Variants in ASCC3 observed in about 807,000 individuals in gnomAD.
ASCC3 encodes ASC-1 complex subunit P200.
A neutral mutation model predicts 256.3 loss-of-function variants in ASCC3; 158 were observed. The ratio of observed to expected loss-of-function variants is 0.62; its 90% CI spans 0.54 to 0.70. The LOEUF is 0.70. Among genes scored for constraint, ASCC3 ranks in the 30% least tolerant of loss-of-function variants. The pLI, the probability that ASCC3 is intolerant of heterozygous loss-of-function variation, is 0.00. For synonymous variants in ASCC3, 948 were observed against 883.4 expected, an observed-to-expected ratio of 1.07 and a Z score of -1.30; for missense variants, 2,259 against 2,626.0, an observed-to-expected ratio of 0.86 and a Z score of 3.05.
intron 13 of ASCC3, among the ~76,000 whole-genome samples, chr6:100,706,407 G>C (rs577307062): frequency 6.6e-6 from 1 of 150,638 alleles, no homozygotes; most frequent in African/African-American, 2.4e-5. Flanking sequence ...ACAAGCAGAA[G>C]ACAGAACACT....
chr6:100,685,969 A>G (rs1012404914), intron 13 of ASCC3, among the ~76,000 whole-genome samples: 1 of 152,170 alleles, frequency 6.6e-6, no homozygotes, highest in Non-Finnish European at 1.5e-5. Flanking sequence ...CCTCTATCAA[A>G]TAACTTTCCA....
At chr6:100,722,755 T>C (rs185786299) in intron 11 of ASCC3, among the ~76,000 whole-genome samples, 2 of 151,966 alleles carry the variant, frequency 1.3e-5, no homozygotes, top group African/African-American at 4.8e-5. Flanking sequence ...ATATAACATC[T>C]TTTAAGCCCA....
chr6:100,868,184 T>A, intron 1 of ASCC3, 146 bp from the exon 2 acceptor site: 1 of 604,686 alleles, frequency 1.7e-6, no homozygotes, highest in Non-Finnish European at 2.9e-6. Flanking sequence ...CCTGACATAT[T>A]TTCTATCCAT....
At chr6:100,803,760 T>C (rs993377751) in intron 5 of ASCC3, among the ~76,000 whole-genome samples, 3 of 152,220 alleles carry the variant, frequency 2.0e-5, no homozygotes, top group African/African-American at 7.2e-5. Context: ...AAACAGAAAA[T>C]CTGTCAGAAA....
chr6:100,850,281 CA>C (rs1332704485), intron 3 of ASCC3, among the ~76,000 whole-genome samples: 1 of 152,016 alleles, frequency 6.6e-6, no homozygotes, highest in African/African-American at 2.4e-5. Context: ...ATTTCTTCAC[CA>C]AAAACCACGT....
intron 36 of ASCC3, among the ~76,000 whole-genome samples, chr6:100,583,317 G>C (rs1289246900): frequency 6.6e-6 from 1 of 152,014 alleles, no homozygotes; most frequent in African/African-American, 2.4e-5. Flanking sequence ...AGTCTTGGGA[G>C]GGTGTATGTG....
chr6:100,680,590 G>T (rs561898233), intron 13 of ASCC3, among the ~76,000 whole-genome samples: 2 of 151,922 alleles, frequency 1.3e-5, no homozygotes, highest in Non-Finnish European at 2.9e-5. Context: ...AATTTTATCT[G>T]GTGTGAATAA....
At chr6:100,687,632 G>A (rs1357171498) in intron 13 of ASCC3, among the ~76,000 whole-genome samples, 1 of 151,976 alleles carries the variant, frequency 6.6e-6, no homozygotes, top group African/African-American at 2.4e-5. Flanking sequence ...TAATAAGATA[G>A]TATATTTGCT....
intron 37 of ASCC3, among the ~76,000 whole-genome samples, chr6:100,530,012 G>A (rs748540468): frequency 4.0e-5 from 6 of 151,526 alleles, no homozygotes; most frequent in Non-Finnish European, 8.8e-5. Context: ...TTTTTTGGTA[G>A]GAGGTACAGG....
chr6:100,811,072 C>T (rs1770444229), intron 4 of ASCC3, among the ~76,000 whole-genome samples: 1 of 151,996 alleles, frequency 6.6e-6, no homozygotes, highest in South Asian at 2.1e-4. Context: ...CTAAAGTCAC[C>T]TAGAAACAGT....
At chr6:100,785,421 G>A (rs1769017148) in intron 8 of ASCC3, among the ~76,000 whole-genome samples, 1 of 151,994 alleles carries the variant, frequency 6.6e-6, no homozygotes, top group Non-Finnish European at 1.5e-5. Flanking sequence ...TTAATTTAAA[G>A]ACAGGGTCTC....
At chr6:100,665,161 GGTTTCACATTCAACCAGCATCAGTGGCCA>G (rs1348523775) in intron 14 of ASCC3, among the ~76,000 whole-genome samples, 1 of 152,166 alleles carries the variant, frequency 6.6e-6, no homozygotes, top group South Asian at 2.1e-4. Context: ...TGATCACATG[GGTTTCACATTCAACCAGCATCAGTGGCCA>G]GTTTCACATT....
chr6:100,749,148 T>C (rs1024070018), intron 10 of ASCC3, among the ~76,000 whole-genome samples: 1 of 152,048 alleles, frequency 6.6e-6, no homozygotes, highest in Non-Finnish European at 1.5e-5. Context: ...TTTTTGCCTC[T>C]TCCCCGTCAA....
At chr6:100,749,704 T>G (rs1301251898) in intron 10 of ASCC3, among the ~76,000 whole-genome samples, 1 of 151,872 alleles carries the variant, frequency 6.6e-6, no homozygotes, top group Non-Finnish European at 1.5e-5. Context: ...GAACAATAGG[T>G]AGTAAATATG....
chr6:100,827,777 T>C (rs1771393508), intron 4 of ASCC3, among the ~76,000 whole-genome samples: 1 of 152,160 alleles, frequency 6.6e-6, no homozygotes, highest in Admixed American at 6.5e-5. Flanking sequence ...ATTATAAACA[T>C]ATTAATCACA....
intron 10 of ASCC3, among the ~76,000 whole-genome samples, chr6:100,747,983 A>G (rs1482716629): frequency 2.0e-5 from 3 of 152,064 alleles, no homozygotes; most frequent in Non-Finnish European, 4.4e-5. Flanking sequence ...GAAATTTAGG[A>G]ATGAATAAAT....
chr6:100,734,465 T>C (rs1439715846), intron 10 of ASCC3, among the ~76,000 whole-genome samples: 1 of 152,138 alleles, frequency 6.6e-6, no homozygotes, highest in African/African-American at 2.4e-5. Flanking sequence ...GTACCTGCCA[T>C]GGTACTTACA....
intron 4 of ASCC3, among the ~76,000 whole-genome samples, chr6:100,833,932 G>A (rs1227340321): frequency 6.6e-6 from 1 of 152,054 alleles, no homozygotes; most frequent in Non-Finnish European, 1.5e-5. Flanking sequence ...ACAAAAATTA[G>A]CCAGGCGTGG....
At chr6:100,761,888 C>T (rs1202742137) in intron 10 of ASCC3, among the ~76,000 whole-genome samples, 3 of 152,066 alleles carry the variant, frequency 2.0e-5, no homozygotes, top group Non-Finnish European at 4.4e-5. Context: ...CAATATCTGC[C>T]CCTATCTCCA....
Sources: allele counts gnomAD v4.1 joint callset (sites outside exome capture counted in the v4.1 genomes callset), GRCh38; gene constraint gnomAD v4.1.1; transcripts MANE v1.5; gene names NCBI Gene and HGNC (gene_info 2026-07-23, HGNC 2026-07-21).